The following PTPRD variants were observed in gnomAD, a reference collection of about 807,000 sequenced individuals.
PTPRD encodes the protein receptor-type tyrosine-protein phosphatase delta.
PTPRD carries 34 observed loss-of-function variants against 214.5 expected under a neutral mutation model. The observed-to-expected ratio is 0.16, with a 90% CI of 0.12 to 0.21. The LOEUF (loss-of-function observed/expected upper bound fraction) is 0.21, where lower values mean the gene tolerates loss of function less well. Among genes scored for constraint, PTPRD ranks in the 10% least tolerant of loss-of-function variants. The pLI, the probability that PTPRD is intolerant of heterozygous loss-of-function variation, is 1.00. For missense variants in PTPRD, 2,545 were observed against 2,398.7 expected (o/e 1.06, Z -1.27); for synonymous variants, 1,128 against 845.7 (o/e 1.33, Z -5.79).
intron 7 of PTPRD, among the ~76,000 whole-genome samples, chr9:9,701,546 G>A (rs1416364462): frequency 6.6e-6 from 1 of 152,166 alleles, no homozygotes; most frequent in Non-Finnish European, 1.5e-5. Context: ...ATTTGGGAAG[G>A]CATTGATGAC....
chr9:8,673,682 T>G (rs928676586), intron 12 of PTPRD, among the ~76,000 whole-genome samples: 1 of 152,214 alleles, frequency 6.6e-6, no homozygotes, highest in Non-Finnish European at 1.5e-5. Context: ...CGTATATTTA[T>G]TCTCTTATTC....
chr9:8,331,533 G>GAAGAAAC (rs1841093557), intron 44 of PTPRD, 49 bp downstream of exon 44: 1 of 1,489,208 alleles, frequency 6.7e-7, no homozygotes, highest in African/African-American at 1.5e-5. Context: ...TACAGACAAT[G>GAAGAAAC]AAGAAACACC....
intron 2 of PTPRD, among the ~76,000 whole-genome samples, chr9:10,400,142 C>T (rs1228870974): frequency 6.6e-6 from 1 of 151,762 alleles, no homozygotes; most frequent in African/African-American, 2.4e-5. Context: ...TCGTCTCCTT[C>T]ACTTATGTAG....
Position 9,781,852 on chromosome 9 carries a change from G to GCAA in PTPRD, c.-367-15002_-367-15001insTTG, listed in dbSNP as rs1171457602. On this transcript the variant is annotated intron_variant, in intron 5 of 45. Transcript: ENST00000381196. ...CTGTCGCCCAGGCTGGAGTGCAGTGGCGCAATCTCGGCTCGCTGCAAGCTC... is the reference window on the plus strand; with the variant it reads ...CTGTCGCCCAGGCTGGAGTGCAGTGGCAACGCAATCTCGGCTCGCTGCAAGCTC... Among the ~76,000 whole-genome samples, 238 of 150,794 alleles carry GCAA rather than the reference G, an allele frequency of 1.6e-3. 1 individual carries two copies. The highest frequency in any genetic ancestry group is 5.5e-3 in the African/African-American group (224 of 40,868).
intron 7 of PTPRD, among the ~76,000 whole-genome samples, chr9:9,585,908 C>T (rs148310338): frequency 6.6e-5 from 10 of 152,086 alleles, no homozygotes; most frequent in Non-Finnish European, 1.2e-4. Flanking sequence ...CATGGAGAAA[C>T]TGGAAGCAGG....
chr9:9,879,526 T>C (rs144868957), intron 5 of PTPRD, among the ~76,000 whole-genome samples: 49 of 152,362 alleles, frequency 3.2e-4, no homozygotes, highest in African/African-American at 1.1e-3. Context: ...ATTCTGAGGA[T>C]TGAAGAAAAA....
intron 5 of PTPRD, among the ~76,000 whole-genome samples, chr9:9,814,946 C>A (rs975973549): frequency 2.0e-5 from 3 of 151,488 alleles, no homozygotes; most frequent in Non-Finnish European, 4.4e-5. Context: ...ACTACAGGTG[C>A]ACGCCACCAC....
intron 4 of PTPRD, among the ~76,000 whole-genome samples, chr9:9,948,266 C>T (rs777566824): frequency 6.6e-6 from 1 of 152,026 alleles, no homozygotes; most frequent in Non-Finnish European, 1.5e-5. Flanking sequence ...CATTCTCTAT[C>T]AACACGACTT....
intron 3 of PTPRD, among the ~76,000 whole-genome samples, chr9:10,056,047 G>A (rs1019879214): frequency 6.8e-6 from 1 of 147,336 alleles, no homozygotes; most frequent in African/African-American, 2.7e-5. Flanking sequence ...AAAGAGCCGG[G>A]CGCAGTGGCT....
intron 4 of PTPRD, among the ~76,000 whole-genome samples, chr9:9,992,792 G>A (rs149025287): frequency 1.3e-5 from 2 of 151,734 alleles, no homozygotes; most frequent in Non-Finnish European, 2.9e-5. Flanking sequence ...ACACACTGGG[G>A]CCTGCTGGGG....
At chr9:9,541,317 A>G (rs1591150881) in intron 8 of PTPRD, among the ~76,000 whole-genome samples, 2 of 151,770 alleles carry the variant, frequency 1.3e-5, no homozygotes, top group East Asian at 3.9e-4. Context: ...TTATACTACT[A>G]GACTGAGAGG....
intron 4 of PTPRD, among the ~76,000 whole-genome samples, chr9:9,947,534 TA>T (rs2092886315): frequency 6.2e-4 from 13 of 21,036 alleles, no homozygotes; most frequent in East Asian, 5.0e-3. Context: ...ATATATATTT[TA>T]TATATAATAT....
At chr9:10,436,893 C>G (rs1209603889) in intron 2 of PTPRD, among the ~76,000 whole-genome samples, 1 of 151,754 alleles carries the variant, frequency 6.6e-6, no homozygotes, top group Non-Finnish European at 1.5e-5. Context: ...AGCTAATATA[C>G]TCACGGAACT....
intron 3 of PTPRD, among the ~76,000 whole-genome samples, chr9:10,314,087 T>C (rs928555080): frequency 2.0e-5 from 3 of 151,912 alleles, no homozygotes; most frequent in African/African-American, 7.2e-5. Context: ...GCCTAATAAA[T>C]GTGAATTTTA....
chr9:8,591,791 A>G (rs1031496741), intron 14 of PTPRD, among the ~76,000 whole-genome samples: 1 of 152,174 alleles, frequency 6.6e-6, no homozygotes, highest in African/African-American at 2.4e-5. Flanking sequence ...CATAGGATAC[A>G]AGACTAAATC....
rs143230848 is a variant in PTPRD, at chr9:10,469,382, C to T, written c.-599-128365G>A. 4.0e-3 allele frequency among the ~76,000 whole-genome samples: 613 copies of T among 152,090 alleles called. 6 individuals are homozygous for T. Among genetic ancestry groups the T allele is most frequent in the African/African-American group, 0.014 (583 of 41,494 alleles). Reference sequence around the variant, plus strand: ...AATTGAAAAACATTATAAAACAGGACATAAGCGTGAAAGATGTGCAGAAGC... The same window carrying T: ...AATTGAAAAACATTATAAAACAGGATATAAGCGTGAAAGATGTGCAGAAGC... On this transcript the variant is annotated intron_variant, in intron 2 of 45. Transcript: ENST00000381196.
chr9:9,256,569 A>G (rs922344642), intron 9 of PTPRD, among the ~76,000 whole-genome samples: 92 of 152,088 alleles, frequency 6.0e-4, no homozygotes, highest in African/African-American at 2.2e-3. Context: ...ATGACTTGCT[A>G]AACTGCTTCA....
chr9:8,986,970 C>G (rs190561651), intron 11 of PTPRD, among the ~76,000 whole-genome samples: 1 of 151,976 alleles, frequency 6.6e-6, no homozygotes, highest in Non-Finnish European at 1.5e-5. Context: ...ATTAAAATTT[C>G]TTTTCCTGTG....
intron 14 of PTPRD, among the ~76,000 whole-genome samples, chr9:8,566,304 T>C (rs1466281823): frequency 6.6e-6 from 1 of 152,122 alleles, no homozygotes; most frequent in Non-Finnish European, 1.5e-5. Context: ...AATTGCTGTT[T>C]CGAAATCTGT....
Sources: gnomAD v4.1 joint callset for allele counts (sites outside exome capture counted in the v4.1 genomes callset) on GRCh38, gnomAD v4.1.1 for gene constraint, MANE v1.5 for transcripts, NCBI Gene and HGNC (gene_info 2026-07-23, HGNC 2026-07-21) for gene names.